Variants in NCOA2 observed in about 807,000 individuals in gnomAD.
The protein encoded by NCOA2 is class E basic helix-loop-helix protein 75.
A neutral mutation model predicts 145.1 loss-of-function variants in NCOA2; 21 were observed. The observed-to-expected ratio is 0.14, with a 90% CI of 0.10 to 0.21. The LOEUF (loss-of-function observed/expected upper bound fraction) is 0.21, where lower values mean the gene tolerates loss of function less well. NCOA2 is among the 10% of genes least tolerant of loss of function. The pLI, the probability that NCOA2 is intolerant of heterozygous loss-of-function variation, is 1.00. For missense variants in NCOA2, 1,472 were observed against 1,837.6 expected, an observed-to-expected ratio of 0.80 and a Z score of 3.64; for synonymous variants, 619 against 637.5, an observed-to-expected ratio of 0.97 and a Z score of 0.44.
At chr8:70,132,324 C>T (rs142732045) in intron 15 of NCOA2, among the ~76,000 whole-genome samples, 10 of 152,264 alleles carry the variant, frequency 6.6e-5, no homozygotes, top group Admixed American at 2.6e-4. Context: ...CAACCTACAC[C>T]GACTGCTCAA....
At chr8:70,440,346 TC>T in the NCOA2 span, among the ~76,000 whole-genome samples, 1 of 152,014 alleles carries the variant, frequency 6.6e-6, no homozygotes, top group African/African-American at 2.4e-5. Flanking sequence ...ACGCCTGGAA[TC>T]CCAGCACCTG....
intron 4 of NCOA2, among the ~76,000 whole-genome samples, chr8:70,208,454 A>C (rs1331383195): frequency 6.6e-6 from 1 of 152,242 alleles, no homozygotes; most frequent in Non-Finnish European, 1.5e-5. Flanking sequence ...ATCATTAATG[A>C]AGGTGGTTAC....
intron 1 of NCOA2, among the ~76,000 whole-genome samples, chr8:70,331,555 G>A (rs971572808): frequency 6.6e-6 from 1 of 152,034 alleles, no homozygotes. Context: ...TTAATGCTAT[G>A]TATTAATTTA....
At chr8:70,378,353 T>C (rs2131372743) in intron 1 of NCOA2, among the ~76,000 whole-genome samples, 1 of 152,290 alleles carries the variant, frequency 6.6e-6, no homozygotes, top group Non-Finnish European at 1.5e-5. Context: ...TTTTTGAATG[T>C]TGAAAATCTG....
chr8:70,310,899 C>A (rs192183515), intron 1 of NCOA2, among the ~76,000 whole-genome samples: 1 of 152,104 alleles, frequency 6.6e-6, no homozygotes, highest in East Asian at 1.9e-4. Flanking sequence ...TCATACAATG[C>A]CAAAAAGAAC....
At chr8:70,249,113 A>G (rs890638451) in intron 2 of NCOA2, among the ~76,000 whole-genome samples, 4 of 152,080 alleles carry the variant, frequency 2.6e-5, no homozygotes, top group African/African-American at 9.7e-5. Flanking sequence ...ACTGGCTCTA[A>G]GAAAGAAAGA....
intron 14 of NCOA2, 52 bp from the exon 15 acceptor site, chr8:70,138,384 T>C: frequency 6.6e-7 from 1 of 1,512,498 alleles, no homozygotes; most frequent in Non-Finnish European, 8.9e-7. Flanking sequence ...GAAGCATTTA[T>C]TTCTGCTATG....
chr8:70,242,998 G>C (rs1288980330), intron 2 of NCOA2, among the ~76,000 whole-genome samples: 1 of 152,028 alleles, frequency 6.6e-6, no homozygotes, highest in Non-Finnish European at 1.5e-5. Context: ...ACGCTACCTG[G>C]ACTTCAACAC....
At chr8:70,422,868 G>A in the NCOA2 span, among the ~76,000 whole-genome samples, 1 of 151,510 alleles carries the variant, frequency 6.6e-6, no homozygotes, top group African/African-American at 2.4e-5. Context: ...TTAAAATGTT[G>A]TTACGTTTTC....
chr8:70,445,170 A>G, the NCOA2 span, among the ~76,000 whole-genome samples: 1 of 152,172 alleles, frequency 6.6e-6, no homozygotes, highest in African/African-American at 2.4e-5. Context: ...CAGTAATTGT[A>G]GCTGGAAAAA....
At position 70,153,423 on chromosome 8, in the gene NCOA2, C is replaced by CT. The variant is rs533440564; in HGVS notation, c.2394+2547dup. Among the ~76,000 whole-genome samples the CT allele has an allele frequency of 2.1e-4, 32 of 152,326 alleles. No homozygotes were observed. In the South Asian group the frequency reaches 6.4e-3, roughly 31 times the overall value. On this transcript the variant is annotated intron_variant, in intron 11 of 22. Transcript: ENST00000452400. Reference sequence around the variant, plus strand: ...CTCAAGGAGTTTTTAAAAAACTCCTCTTTTGTCAGTTTCTTGTCTGAAGTT... The same window carrying CT: ...CTCAAGGAGTTTTTAAAAAACTCCTCTTTTTGTCAGTTTCTTGTCTGAAGTT...
chr8:70,162,663 C>T (rs1813163185), intron 9 of NCOA2, 48 bp downstream of exon 9: 1 of 1,560,320 alleles, frequency 6.4e-7, no homozygotes. Flanking sequence ...TGACAGAAAG[C>T]TCCCACAGGA....
intron 2 of NCOA2, among the ~76,000 whole-genome samples, chr8:70,230,939 A>G (rs1267082278): frequency 6.6e-6 from 1 of 152,168 alleles, no homozygotes; most frequent in Non-Finnish European, 1.5e-5. Context: ...ATAATTTTCA[A>G]TGGCTCTGTG....
intron 1 of NCOA2, among the ~76,000 whole-genome samples, chr8:70,377,782 T>C (rs974567639): frequency 6.6e-5 from 10 of 152,154 alleles, no homozygotes; most frequent in Non-Finnish European, 1.2e-4. Context: ...AATGTGACAG[T>C]TCTTGCACAA....
At chr8:70,431,883 C>T in the NCOA2 span, among the ~76,000 whole-genome samples, 1 of 152,122 alleles carries the variant, frequency 6.6e-6, no homozygotes, top group Non-Finnish European at 1.5e-5. Flanking sequence ...TCATATAGTT[C>T]TGATTTAAAA....
chr8:70,116,732 G>C (rs1363897213), intron 22 of NCOA2, among the ~76,000 whole-genome samples: 1 of 152,192 alleles, frequency 6.6e-6, no homozygotes, highest in Admixed American at 6.5e-5. Flanking sequence ...ATTCTCTAAA[G>C]CAAATGAGTC....
intron 2 of NCOA2, among the ~76,000 whole-genome samples, chr8:70,270,256 G>A (rs927655822): frequency 6.6e-6 from 1 of 152,008 alleles, no homozygotes; most frequent in Non-Finnish European, 1.5e-5. Context: ...TTGATGAAAA[G>A]AGTCACTGAA....
At chr8:70,416,195 G>GTT in the NCOA2 span, among the ~76,000 whole-genome samples, 1,836 of 135,680 alleles carry the variant, frequency 0.014, 25 homozygotes, top group African/African-American at 0.022. Context: ...CAGTTTTTTT[G>GTT]TTTTTTTTTT....
At chr8:70,365,940 T>C (rs1357226145) in intron 1 of NCOA2, among the ~76,000 whole-genome samples, 1 of 152,198 alleles carries the variant, frequency 6.6e-6, no homozygotes, top group Non-Finnish European at 1.5e-5. Context: ...AACACCTTCA[T>C]TTTAATGACA....
Sources: allele counts gnomAD v4.1 joint callset (sites outside exome capture counted in the v4.1 genomes callset), GRCh38; gene constraint gnomAD v4.1.1; transcripts MANE v1.5; gene names NCBI Gene and HGNC (gene_info 2026-07-23, HGNC 2026-07-21).